PDE1C: variants seen among roughly 807,000 people sequenced by gnomAD.
The protein encoded by PDE1C is phosphodiesterase 1C.
A neutral mutation model predicts 93.1 loss-of-function variants in PDE1C; 62 were observed. The observed-to-expected ratio is 0.67, with a 90% CI of 0.54 to 0.82. PDE1C has a LOEUF of 0.82. PDE1C is among the 40% of genes least tolerant of loss of function. The probability of loss-of-function intolerance (pLI) is 0.00; values close to 1 mark genes in which losing one functional copy is unlikely to be tolerated. For missense variants in PDE1C, 742 were observed against 884.6 expected, an observed-to-expected ratio of 0.84 and a Z score of 2.04; for synonymous variants, 325 against 310.1, an observed-to-expected ratio of 1.05 and a Z score of -0.50.
At chr7:31,909,187 C>T (rs1800940208) in intron 2 of PDE1C, among the ~76,000 whole-genome samples, 1 of 152,116 alleles carries the variant, frequency 6.6e-6, no homozygotes, top group Non-Finnish European at 1.5e-5. Flanking sequence ...TGTGGTTATT[C>T]TAGTCAGTTC....
intron 1 of PDE1C, among the ~76,000 whole-genome samples, chr7:32,059,936 G>A (rs1016953476): frequency 7.9e-5 from 12 of 152,184 alleles, no homozygotes; most frequent in Non-Finnish European, 1.6e-4. Flanking sequence ...AAACTGTGTG[G>A]GTGGGAATGG....
intron 1 of PDE1C, among the ~76,000 whole-genome samples, chr7:32,407,794 A>G (rs215744): frequency 0.94 from 142,360 of 152,170 alleles, 66,656 homozygotes; most frequent in Middle Eastern, 0.96. Flanking sequence ...AGGATCCAGC[A>G]CTCCAGCAAG....
intron 2 of PDE1C, among the ~76,000 whole-genome samples, chr7:32,001,519 GGCCCTGGAGTAACA>G (rs1785447628): frequency 6.8e-6 from 1 of 147,146 alleles, no homozygotes; most frequent in South Asian, 2.1e-4. Flanking sequence ...CATCAGGGCT[GGCCCTGGAGTAACA>G]GCGTACACAC....
intron 2 of PDE1C, among the ~76,000 whole-genome samples, chr7:31,893,125 C>T (rs527646767): frequency 6.6e-6 from 1 of 152,194 alleles, no homozygotes; most frequent in African/African-American, 2.4e-5. Flanking sequence ...CTAGAGCTAG[C>T]TATGGACTAA....
chr7:32,377,490 C>T (rs1202900596), intron 1 of PDE1C, among the ~76,000 whole-genome samples: 1 of 152,140 alleles, frequency 6.6e-6, no homozygotes, highest in Non-Finnish European at 1.5e-5. Flanking sequence ...AAGTTTTTGG[C>T]GTATCTCTTT....
chr7:31,737,099 C>A, the PDE1C span, among the ~76,000 whole-genome samples: 2 of 152,114 alleles, frequency 1.3e-5, no homozygotes, highest in African/African-American at 4.8e-5. Flanking sequence ...TACAGGCATG[C>A]ACCACCACAC....
intron 3 of PDE1C, among the ~76,000 whole-genome samples, chr7:32,095,033 T>C (rs1030616159): frequency 1.3e-5 from 2 of 152,228 alleles, no homozygotes; most frequent in Non-Finnish European, 2.9e-5. Context: ...TCCACTAATT[T>C]ATGGTCCTTA....
chr7:32,084,456 T>C (rs1796930557), intron 3 of PDE1C, among the ~76,000 whole-genome samples: 1 of 147,988 alleles, frequency 6.8e-6, no homozygotes, highest in Non-Finnish European at 1.5e-5. Flanking sequence ...GACAGAAAGG[T>C]AACAAGCATA....
intron 1 of PDE1C, among the ~76,000 whole-genome samples, chr7:32,284,320 T>C (rs527453195): frequency 1.3e-5 from 2 of 152,320 alleles, no homozygotes; most frequent in South Asian, 4.1e-4. Flanking sequence ...AGAACTGGTG[T>C]CAAGTCCCAG....
intron 16 of PDE1C, among the ~76,000 whole-genome samples, chr7:31,792,886 G>A (rs1018469267): frequency 1.3e-5 from 2 of 152,044 alleles, no homozygotes; most frequent in African/African-American, 4.8e-5. Context: ...AGTGACTGAT[G>A]AATTGAAATG....
intron 2 of PDE1C, among the ~76,000 whole-genome samples, chr7:32,198,242 G>A (rs1263875111): frequency 6.6e-6 from 1 of 152,084 alleles, no homozygotes; most frequent in Non-Finnish European, 1.5e-5. Context: ...AAAATTTCAG[G>A]TCAACAGTAT....
chr7:31,714,005 C>T, the PDE1C span, among the ~76,000 whole-genome samples: 1 of 152,188 alleles, frequency 6.6e-6, no homozygotes, highest in Non-Finnish European at 1.5e-5. Flanking sequence ...TGGTGGTTAA[C>T]ATTTGGCTCC....
chr7:31,900,979 C>A (rs1799903945), intron 2 of PDE1C, among the ~76,000 whole-genome samples: 1 of 149,694 alleles, frequency 6.7e-6, no homozygotes. Flanking sequence ...TTGATTTAAA[C>A]AATTACATAG....
chr7:31,659,629 A>G, the PDE1C span, among the ~76,000 whole-genome samples: 1 of 152,204 alleles, frequency 6.6e-6, no homozygotes, highest in East Asian at 1.9e-4. Flanking sequence ...ATAAATGTAG[A>G]GCCATACATT....
At chr7:31,776,310 A>G (rs2128631213) in intron 16 of PDE1C, among the ~76,000 whole-genome samples, 1 of 152,334 alleles carries the variant, frequency 6.6e-6, no homozygotes, top group East Asian at 1.9e-4. Flanking sequence ...GAAGTGTTCC[A>G]GTGAGGATTA....
chr7:31,657,876 A>T, the PDE1C span, among the ~76,000 whole-genome samples: 1 of 152,232 alleles, frequency 6.6e-6, no homozygotes, highest in Non-Finnish European at 1.5e-5. Context: ...GAAAAAGTAA[A>T]ATCACACTAA....
At chr7:32,199,167 C>G (rs1386592232) in intron 2 of PDE1C, among the ~76,000 whole-genome samples, 2 of 151,996 alleles carry the variant, frequency 1.3e-5, no homozygotes, top group Admixed American at 1.3e-4. Context: ...CTCGTAGTCT[C>G]AGACACAGTA....
intron 3 of PDE1C, among the ~76,000 whole-genome samples, chr7:32,123,033 C>T (rs900584407): frequency 1.3e-5 from 2 of 152,106 alleles, no homozygotes; most frequent in Admixed American, 6.6e-5. Flanking sequence ...ACGGGGATAT[C>T]ACCACTGACC....
intron 1 of PDE1C, among the ~76,000 whole-genome samples, chr7:32,230,391 C>T (rs763106906): frequency 3.9e-5 from 6 of 152,202 alleles, no homozygotes; most frequent in Admixed American, 2.0e-4. Context: ...TCAGCCCCTA[C>T]TCCTACTGGG....
Sources: gnomAD v4.1 joint callset for allele counts (sites outside exome capture counted in the v4.1 genomes callset) on GRCh38, gnomAD v4.1.1 for gene constraint, MANE v1.5 for transcripts, NCBI Gene and HGNC (gene_info 2026-07-23, HGNC 2026-07-21) for gene names.